Variants in FGR observed in about 807,000 individuals in gnomAD.
The protein encoded by FGR is tyrosine-protein kinase Fgr.
A neutral mutation model predicts 63.2 loss-of-function variants in FGR; 26 were observed. That is an observed-to-expected ratio of 0.41 (90% CI 0.30 to 0.57). FGR has a LOEUF of 0.57. FGR is among the 20% of genes least tolerant of loss of function. The probability of loss-of-function intolerance (pLI) is 0.27; values close to 1 mark genes in which losing one functional copy is unlikely to be tolerated. For synonymous variants in FGR, 286 were observed against 277.7 expected (o/e 1.03, Z -0.30); for missense variants, 511 against 690.8 (o/e 0.74, Z 2.92).
chr1:27,629,468 A>T (rs914761323), intron 1 of FGR, among the ~76,000 whole-genome samples: 2 of 152,032 alleles, frequency 1.3e-5, no homozygotes, highest in African/African-American at 2.4e-5. Context: ...ACAGAAAGAG[A>T]TAGAAACAGA....
Position 27,616,742 on chromosome 1 carries a change from G to T in FGR, c.682+115C>A. 1 of 1,179,532 alleles carries T rather than the reference G, an allele frequency of 8.5e-7. No individual in the cohort carries two copies. 73.1% of individuals were successfully genotyped at this position (1,179,532 alleles called of 1,614,324 possible). A position where few individuals can be genotyped will look rare whatever the true frequency, so the allele number is the denominator to read the frequency against. On this transcript the variant is annotated intron_variant, in intron 7 of 12. Coordinates refer to ENST00000374005, the MANE Select transcript of FGR (RefSeq NM_005248.3). The surrounding 1 kb of genome is among the most constrained non-coding windows in gnomAD (Gnocchi z 4.3). ...CTGGCAGACCCCATCCTTGGGTTCT[G>T]GTTTCCGTCTGGCCAATACTGCTTG...
chr1:27,622,781 C>T (rs1378313432), intron 4 of FGR, among the ~76,000 whole-genome samples: 2 of 152,382 alleles, frequency 1.3e-5, no homozygotes, highest in African/African-American at 4.8e-5. Flanking sequence ...GCTGGGATTA[C>T]AGGCATGAGC....
chr1:27,617,046 C>T lies in FGR; in HGVS notation c.533-40G>A, dbSNP rs1190143472. 1 of 1,612,090 alleles carries T rather than the reference C, an allele frequency of 6.2e-7. No individual in the cohort carries two copies. The highest frequency in any genetic ancestry group is 1.1e-5 in the South Asian group (1 of 91,034). ...ACTTTTGATCTGCTGTTCTCCTCTG[C>T]CCTAGTCTGGGAGCTGGGAGAGGCC... On this transcript the variant is annotated intron_variant, in intron 6 of 12. Coordinates refer to ENST00000374005, the MANE Select transcript of FGR (RefSeq NM_005248.3). The surrounding 1 kb of genome is among the most constrained non-coding windows in gnomAD (Gnocchi z 4.5).
intron 9 of FGR, 24 bp from the exon 10 acceptor site, chr1:27,614,950 C>T (rs752070517): frequency 1.9e-6 from 3 of 1,573,596 alleles, no homozygotes; most frequent in Admixed American, 3.6e-5. Context: ...AGAAAGTCAG[C>T]GGCAAAGCCC....
rs1557723677 is a variant in FGR at position 27,612,715 on chromosome 1, A to C, written c.*199T>G. The stretch of plus-strand genomic sequence containing the variant: ...GAAATAGTGCTTGGGGCCAGAGCGG[A>C]TGAGAGATCAGCTCTGGGCCTCCTT... On this transcript the variant is annotated 3_prime_UTR_variant, in exon 13 of 13. Coordinates refer to ENST00000374005, the MANE Select transcript of FGR (RefSeq NM_005248.3). 2.4e-5 allele frequency: 14 copies of C among 584,746 alleles called. No individual in the cohort carries two copies. The highest frequency in any genetic ancestry group is 4.0e-5 in the Non-Finnish European group (13 of 327,280). 36.2% of individuals were successfully genotyped at this position (584,746 alleles called of 1,614,324 possible).
intron 2 of FGR, among the ~76,000 whole-genome samples, 187 bp downstream of exon 2, chr1:27,624,902 G>A (rs1472717330): frequency 6.6e-6 from 1 of 152,128 alleles, no homozygotes; most frequent in Non-Finnish European, 1.5e-5. Context: ...TGCAGAGGGG[G>A]ATCAAGGCCA....
Position 27,613,124 on chromosome 1 carries a change from T to A in FGR, c.1382-2A>T. On this transcript the variant is annotated splice_acceptor_variant, in intron 12 of 12. Coordinates refer to ENST00000374005, the MANE Select transcript of FGR (RefSeq NM_005248.3). LOFTEE classifies it high-confidence loss of function. The stretch of plus-strand genomic sequence containing the variant: ...CCAACACTTCCCGTTTATTCATGCC[T>A]GAAGGATGGGTCTCTGTCAGTCAAA... The A allele has an allele frequency of 6.2e-7, 1 of 1,613,812 alleles. No individual in the cohort carries two copies. Among genetic ancestry groups the A allele is most frequent in the Non-Finnish European group, 8.5e-7 (1 of 1,179,736 alleles).
intron 1 of FGR, among the ~76,000 whole-genome samples, chr1:27,629,529 G>A (rs1011179151): frequency 1.2e-4 from 18 of 152,142 alleles, no homozygotes; most frequent in African/African-American, 4.3e-4. Context: ...GAGACAAGGA[G>A]GGAAAAAGAC....
At chr1:27,618,241 T>G (rs2089852317) in intron 5 of FGR, among the ~76,000 whole-genome samples, 1 of 152,048 alleles carries the variant, frequency 6.6e-6, no homozygotes, top group Admixed American at 6.5e-5. Flanking sequence ...CAGGACACAT[T>G]GTCAAGTTTT....
At position 27,612,908 on chromosome 1, in the gene FGR, G is replaced by C. The variant is rs761340602; in HGVS notation, c.*6C>G. 2 of 1,610,858 alleles carry C rather than the reference G, an allele frequency of 1.2e-6. No individual in the cohort carries two copies. Among genetic ancestry groups the C allele is most frequent in the East Asian group, 2.2e-5 (1 of 44,786 alleles). On this transcript the variant is annotated 3_prime_UTR_variant, in exon 13 of 13. Transcript: ENST00000374005. Reference sequence around the variant, plus strand: ...CACCGCCAGAGAGGGTTGATGCCCGGACAGGCTATGTCTGATCCCCGGGCT... The same window carrying C: ...CACCGCCAGAGAGGGTTGATGCCCGCACAGGCTATGTCTGATCCCCGGGCT...
In FGR at chr1:27,615,355, C is replaced by G; in HGVS notation, c.1018+79G>C. On this transcript the variant is annotated intron_variant, in intron 9 of 12. Coordinates refer to ENST00000374005, the MANE Select transcript of FGR (RefSeq NM_005248.3). This position sits in a 1 kb window ranked among gnomAD's most constrained non-coding sequence, Gnocchi z 7.6. ...CCATTGTCCCTTGTCCCTCACAGAT[C>G]GCGTCCCAGGTCCCACGCCTGAAAA... The G allele has an allele frequency of 6.8e-7, 1 of 1,463,678 alleles. No homozygotes were observed. Among genetic ancestry groups the G allele is most frequent in the South Asian group, 1.3e-5 (1 of 79,962 alleles). 90.7% of individuals were successfully genotyped at this position (1,463,678 alleles called of 1,614,324 possible). A position where few individuals can be genotyped will look rare whatever the true frequency, so the allele number is the denominator to read the frequency against.
In FGR at chr1:27,626,826, G is replaced by A. The variant is rs186951425; in HGVS notation, c.-76-1675C>T. Among the ~76,000 whole-genome samples the A allele has an allele frequency of 5.9e-5, 9 of 152,152 alleles. No individual in the cohort carries two copies. The East Asian group carries it at 1.2e-3, about 20-fold the overall frequency. Reference sequence around the variant, plus strand: ...GACTGGAAGCCATCCAGGGCCCAGCGGGAGGGATTTCAGGAACTGGTGAAA... The same window carrying A: ...GACTGGAAGCCATCCAGGGCCCAGCAGGAGGGATTTCAGGAACTGGTGAAA... On this transcript the variant is annotated intron_variant, in intron 1 of 12. Coordinates refer to ENST00000374005, the MANE Select transcript of FGR (RefSeq NM_005248.3).
intron 1 of FGR, among the ~76,000 whole-genome samples, 170 bp from the exon 2 acceptor site, chr1:27,625,321 G>A (rs543519855): frequency 2.5e-4 from 38 of 152,034 alleles, no homozygotes; most frequent in African/African-American, 7.2e-4. Context: ...CACAACCCCC[G>A]TCACATAGGG....
At position 27,616,559 on chromosome 1, in the gene FGR, G is replaced by A. The variant is rs779029405; in HGVS notation, c.682+298C>T. Reference sequence around the variant, plus strand: ...TGTCTGCCCACAGGGCAGTCCTGGTGCCTTGGTGGGGCATTCAGGCGGCAC... The same window carrying A: ...TGTCTGCCCACAGGGCAGTCCTGGTACCTTGGTGGGGCATTCAGGCGGCAC... On this transcript the variant is annotated intron_variant, in intron 7 of 12. Coordinates refer to ENST00000374005, the MANE Select transcript of FGR (RefSeq NM_005248.3). The surrounding 1 kb of genome is among the most constrained non-coding windows in gnomAD (Gnocchi z 4.3). 1.5e-4 allele frequency among the ~76,000 whole-genome samples: 23 copies of A among 152,248 alleles called. No individual in the cohort carries two copies. Among genetic ancestry groups the A allele is most frequent in the Non-Finnish European group, 2.8e-4 (19 of 68,044 alleles).
At chr1:27,626,182 G>A (rs1365252805) in intron 1 of FGR, 1 of 398,546 alleles carries the variant, frequency 2.5e-6, no homozygotes, top group Admixed American at 4.4e-5. Context: ...AGGGCAGGAG[G>A]TCATTGAGCA....
intron 5 of FGR, among the ~76,000 whole-genome samples, chr1:27,621,015 A>G (rs990781850): frequency 2.0e-5 from 3 of 148,456 alleles, no homozygotes; most frequent in African/African-American, 7.5e-5. Flanking sequence ...AAAAAAAAAA[A>G]AAAAGAAAGA....
chr1:27,622,321 C>T (rs901633386), intron 4 of FGR, among the ~76,000 whole-genome samples: 1 of 146,772 alleles, frequency 6.8e-6, no homozygotes, highest in Non-Finnish European at 1.5e-5. Context: ...CTGGCAGAAT[C>T]TGCCTCTGCC....
chr1:27,624,252 T>C (rs1301830739), intron 2 of FGR, among the ~76,000 whole-genome samples: 1 of 152,218 alleles, frequency 6.6e-6, no homozygotes. Flanking sequence ...TTGTTTTGTT[T>C]TGAGACAAGA....
chr1:27,634,294 G>A (rs1317967301), intron 1 of FGR, among the ~76,000 whole-genome samples: 2 of 152,172 alleles, frequency 1.3e-5, no homozygotes, highest in African/African-American at 4.8e-5. Context: ...CGCGGGCCGA[G>A]ACCGCCGCGG....
Sources: gnomAD v4.1 joint callset for allele counts (sites outside exome capture counted in the v4.1 genomes callset) on GRCh38, gnomAD v4.1.1 for gene constraint, Gnocchi (gnomAD v3.1) non-coding constraint, MANE v1.5 for transcripts, NCBI Gene and HGNC (gene_info 2026-07-23, HGNC 2026-07-21) for gene names.